RORA: variants seen among roughly 807,000 people sequenced by gnomAD.
RORA encodes the protein nuclear receptor ROR-alpha.
Under a neutral mutation model 69.5 loss-of-function variants are expected in RORA, and 7 were observed. That is an observed-to-expected ratio of 0.10 (90% CI 0.06 to 0.19). RORA has a LOEUF of 0.19. Ranked by LOEUF, RORA falls within the 10% of genes least tolerant of loss-of-function variation. RORA has a pLI of 1.00. For missense variants in RORA, 457 were observed against 663.0 expected, an observed-to-expected ratio of 0.69 and a Z score of 3.41; for synonymous variants, 261 against 240.8, an observed-to-expected ratio of 1.08 and a Z score of -0.78.
chr15:60,528,207 C>T (rs2066421585), intron 3 of RORA: 1 of 152,394 alleles, frequency 6.6e-6, no homozygotes, highest in Admixed American at 6.5e-5. Context: ...AGGCAAACAC[C>T]ACCATGCCTA....
chr15:60,996,903 G>A (rs1894565392), intron 1 of RORA, among the ~76,000 whole-genome samples: 2 of 150,058 alleles, frequency 1.3e-5, no homozygotes, highest in South Asian at 2.1e-4. Context: ...GGGAGACTAC[G>A]TCTTAAAAAA....
intron 1 of RORA, among the ~76,000 whole-genome samples, chr15:60,946,458 C>G (rs1341464848): frequency 1.3e-5 from 2 of 152,184 alleles, no homozygotes; most frequent in Non-Finnish European, 2.9e-5. Context: ...TTGGTGGAGA[C>G]GGGGTTTCGC....
intron 1 of RORA, among the ~76,000 whole-genome samples, chr15:60,945,518 G>C (rs954586187): frequency 7.9e-5 from 12 of 152,188 alleles, no homozygotes; most frequent in African/African-American, 2.2e-4. Flanking sequence ...CGAGAACAGT[G>C]CTTGTTAGAA....
At chr15:60,702,386 C>G (rs1334190060) in intron 1 of RORA, among the ~76,000 whole-genome samples, 1 of 152,152 alleles carries the variant, frequency 6.6e-6, no homozygotes, top group African/African-American at 2.4e-5. Context: ...CACGAGCCAC[C>G]ATGCCTGGCT....
At chr15:60,960,629 T>G (rs1893390994) in intron 1 of RORA, among the ~76,000 whole-genome samples, 1 of 151,956 alleles carries the variant, frequency 6.6e-6, no homozygotes, top group African/African-American at 2.4e-5. Flanking sequence ...ATGTTACACT[T>G]TGGCACACAA....
rs13329342 is a variant in RORA, at chr15:60,989,776, A to C, written c.166+239277T>G. ...CACTATACTTAGAACTTCTCTGGCT[A>C]AAAATTCAGTGAATAACTATTTTTG... On this transcript the variant is annotated intron_variant, in intron 1 of 10. Coordinates refer to ENST00000335670, the MANE Select transcript of RORA (RefSeq NM_134261.3). Among the ~76,000 whole-genome samples the C allele has an allele frequency of 3.3e-3, 496 of 152,220 alleles. 5 individuals carry two copies. Among genetic ancestry groups the C allele is most frequent in the African/African-American group, 0.011 (462 of 41,520 alleles).
At chr15:60,875,477 C>T (rs1172109267) in intron 1 of RORA, among the ~76,000 whole-genome samples, 3 of 152,136 alleles carry the variant, frequency 2.0e-5, no homozygotes, top group African/African-American at 7.2e-5. Context: ...AGGATCTCGT[C>T]TGATCACTTG....
At chr15:60,760,090 T>G (rs2071864362) in intron 1 of RORA, among the ~76,000 whole-genome samples, 1 of 152,156 alleles carries the variant, frequency 6.6e-6, no homozygotes, top group Non-Finnish European at 1.5e-5. Context: ...GTATGTGTGT[T>G]TTTTTAAAAG....
intron 1 of RORA, among the ~76,000 whole-genome samples, chr15:61,108,853 A>T (rs1595995350): frequency 6.6e-6 from 1 of 152,164 alleles, no homozygotes; most frequent in African/African-American, 2.4e-5. Context: ...CCTACCAAAA[A>T]ATTAGGAATG....
At chr15:60,622,640 A>G (rs576459906) in intron 2 of RORA, among the ~76,000 whole-genome samples, 2 of 152,340 alleles carry the variant, frequency 1.3e-5, no homozygotes, top group South Asian at 2.1e-4. Context: ...ACAAACAGAA[A>G]GAAATACAAT....
chr15:61,031,147 A>C (rs1032029822), intron 1 of RORA, among the ~76,000 whole-genome samples: 2 of 152,184 alleles, frequency 1.3e-5, no homozygotes, highest in African/African-American at 4.8e-5. Flanking sequence ...CAACGGCATA[A>C]AAATATCAAA....
chr15:60,890,246 G>C (rs1051159657), intron 1 of RORA, among the ~76,000 whole-genome samples: 3 of 152,210 alleles, frequency 2.0e-5, no homozygotes, highest in African/African-American at 7.2e-5. Flanking sequence ...AAAATTGAGA[G>C]CTCAATGAGT....
intron 2 of RORA, among the ~76,000 whole-genome samples, chr15:60,538,392 C>A (rs1171633856): frequency 6.6e-6 from 1 of 152,132 alleles, no homozygotes; most frequent in Non-Finnish European, 1.5e-5. Context: ...AATGAGTGCT[C>A]ACAAAGCTCT....
At chr15:60,907,700 C>T (rs985076525) in intron 1 of RORA, among the ~76,000 whole-genome samples, 1 of 152,158 alleles carries the variant, frequency 6.6e-6, no homozygotes, top group Non-Finnish European at 1.5e-5. Context: ...AGGATGCCCA[C>T]ATTTAGCGTT....
At chr15:61,150,267 C>T (rs1235617459) in intron 1 of RORA, among the ~76,000 whole-genome samples, 2 of 152,146 alleles carry the variant, frequency 1.3e-5, no homozygotes, top group Non-Finnish European at 2.9e-5. Context: ...ATTTATTGGC[C>T]TCCTTCAGTT....
intron 1 of RORA, among the ~76,000 whole-genome samples, chr15:61,014,061 G>C (rs1271906394): frequency 6.6e-6 from 1 of 152,062 alleles, no homozygotes; most frequent in African/African-American, 2.4e-5. Context: ...GGGATCACAG[G>C]CGTGAGCCAC....
intron 1 of RORA, among the ~76,000 whole-genome samples, chr15:61,201,523 G>A (rs989507602): frequency 9.2e-5 from 14 of 152,294 alleles, no homozygotes; most frequent in East Asian, 3.9e-4. Context: ...GATTTGCCTC[G>A]AGTCAGATTC....
At chr15:61,177,758 C>T (rs142609151) in intron 1 of RORA, among the ~76,000 whole-genome samples, 241 of 152,062 alleles carry the variant, frequency 1.6e-3, no homozygotes, top group Non-Finnish European at 2.8e-3. Context: ...GTCAGAAGTT[C>T]GAGACCAGCC....
At chr15:60,833,651 T>C (rs538670039) in intron 1 of RORA, among the ~76,000 whole-genome samples, 2 of 152,244 alleles carry the variant, frequency 1.3e-5, no homozygotes, top group Non-Finnish European at 2.9e-5. Context: ...TTTGTTACCA[T>C]GATTTCATCC....
Sources: allele counts gnomAD v4.1 joint callset (sites outside exome capture counted in the v4.1 genomes callset), GRCh38; gene constraint gnomAD v4.1.1; transcripts MANE v1.5; gene names NCBI Gene and HGNC (gene_info 2026-07-23, HGNC 2026-07-21).